The following ADAM7 variants were observed in gnomAD, a reference collection of about 807,000 sequenced individuals.
The protein encoded by ADAM7 is ADAM metallopeptidase domain 7.
In ADAM7, 97 loss-of-function variants were observed where a neutral mutation model predicts 102.9. The ratio of observed to expected loss-of-function variants is 0.94; its 90% CI spans 0.80 to 1.12. The LOEUF is 1.12. Among genes scored for constraint, ADAM7 ranks in the 50% most tolerant of loss-of-function variants. The probability of loss-of-function intolerance (pLI) is 0.00; values close to 1 mark genes in which losing one functional copy is unlikely to be tolerated. For missense variants in ADAM7, 991 were observed against 908.7 expected, an observed-to-expected ratio of 1.09 and a Z score of -1.16; for synonymous variants, 334 against 304.4, an observed-to-expected ratio of 1.10 and a Z score of -1.01.
chr8:24,456,632 ATTTTTT>A (rs71212541), intron 3 of ADAM7, among the ~76,000 whole-genome samples: 1 of 136,980 alleles, frequency 7.3e-6, no homozygotes, highest in Non-Finnish European at 1.6e-5. Flanking sequence ...TGTCCTGGGA[ATTTTTT>A]TTTTTTTTTT....
At chr8:24,452,895 C>A (rs1239664013) in intron 3 of ADAM7, among the ~76,000 whole-genome samples, 1 of 149,222 alleles carries the variant, frequency 6.7e-6, no homozygotes, top group East Asian at 1.9e-4. Flanking sequence ...GATTTTATTT[C>A]TCCTTCACTT....
intron 18 of ADAM7, 103 bp from the exon 19 acceptor site, chr8:24,500,687 A>G: frequency 2.3e-6 from 2 of 853,310 alleles, no homozygotes; most frequent in East Asian, 5.2e-5. Context: ...TTGAAGTTCT[A>G]TAGAAAGGAA....
chr8:24,444,499 C>T (rs573993803), intron 2 of ADAM7, among the ~76,000 whole-genome samples: 1 of 151,880 alleles, frequency 6.6e-6, no homozygotes, highest in Middle Eastern at 3.4e-3. Context: ...GCCACGTGAT[C>T]AGGTTTAACA....
chr8:24,500,060 G>T, intron 17 of ADAM7, 118 bp from the exon 18 acceptor site: 3 of 716,778 alleles, frequency 4.2e-6, no homozygotes, highest in East Asian at 3.0e-5. Flanking sequence ...CGAATAAAAA[G>T]TTCGCGCTTG....
intron 9 of ADAM7, among the ~76,000 whole-genome samples, chr8:24,483,690 T>C (rs1286065586): frequency 6.6e-6 from 1 of 152,264 alleles, no homozygotes; most frequent in East Asian, 1.9e-4. Context: ...TATTCATGCA[T>C]TAGCATGCCC....
intron 2 of ADAM7, 71 bp downstream of exon 2, chr8:24,442,647 AC>A: frequency 8.2e-7 from 1 of 1,217,438 alleles, no homozygotes; most frequent in Non-Finnish European, 1.2e-6. Context: ...TCTAGCTCCA[AC>A]CAGAAGCAAA....
chr8:24,475,335 T>C (rs1290443299), intron 7 of ADAM7, among the ~76,000 whole-genome samples: 1 of 152,168 alleles, frequency 6.6e-6, no homozygotes, highest in African/African-American at 2.4e-5. Context: ...ATGGAAATCC[T>C]GTTGTGAAAC....
At chr8:24,505,684 T>C (rs1254528231) in intron 20 of ADAM7, among the ~76,000 whole-genome samples, 1 of 152,162 alleles carries the variant, frequency 6.6e-6, no homozygotes, top group Non-Finnish European at 1.5e-5. Context: ...TCACAGATCC[T>C]GCTTCCATTG....
intron 8 of ADAM7, among the ~76,000 whole-genome samples, chr8:24,481,621 T>G (rs1352251100): frequency 6.6e-6 from 1 of 152,216 alleles, no homozygotes; most frequent in Non-Finnish European, 1.5e-5. Flanking sequence ...TTCTGCCTGC[T>G]TAGAGCAACC....
intron 8 of ADAM7, among the ~76,000 whole-genome samples, chr8:24,476,788 G>A (rs1353603108): frequency 6.6e-6 from 1 of 152,098 alleles, no homozygotes; most frequent in Non-Finnish European, 1.5e-5. Context: ...ATCAATCACT[G>A]TAAACCAAAT....
intron 9 of ADAM7, among the ~76,000 whole-genome samples, chr8:24,483,385 C>T (rs1355988319): frequency 6.6e-6 from 1 of 152,152 alleles, no homozygotes; most frequent in Admixed American, 6.6e-5. Flanking sequence ...CTTAAAGCTA[C>T]TGTATTAAAA....
intron 16 of ADAM7, among the ~76,000 whole-genome samples, chr8:24,494,055 C>T (rs1820471864): frequency 6.6e-6 from 1 of 152,130 alleles, no homozygotes; most frequent in African/African-American, 2.4e-5. Flanking sequence ...TGATATTTTA[C>T]CCCTAAAATC....
rs1159087107 is a variant in ADAM7 at position 24,487,316 on chromosome 8, A to C, written c.1090A>C (p.Ser364Arg). Reference protein sequence around the residue: ...SGKCVMDSDGSIPALKFSKCS... With the variant: ...SGKCVMDSDGRIPALKFSKCS... ...AAAATGCGTGATGGACAGTGATGGA[A>C]GGTGAGATTCGAACAATGTACAGAA... Residue 364 changes from serine (S) to arginine (R), a missense_variant and splice_region_variant, in exon 11 of 22, where the codon AGC becomes CGC. Ser to Arg is a moderately radical substitution (Grantham distance 110). Transcript: ENST00000175238. 1 of 1,613,398 alleles carries C rather than the reference A, an allele frequency of 6.2e-7. No homozygotes were observed. Among genetic ancestry groups the C allele is most frequent in the East Asian group, 2.2e-5 (1 of 44,810 alleles).
At chr8:24,501,624 TAAGTAGCTGAATG>T in intron 20 of ADAM7, 48 bp downstream of exon 20, 1 of 1,116,714 alleles carries the variant, frequency 9.0e-7, no homozygotes, top group East Asian at 2.5e-5. Flanking sequence ...TTTTTTTTTT[TAAGTAGCTGAATG>T]TGTTTAAAGT....
chr8:24,485,390 A>C (rs370216086), intron 10 of ADAM7, 29 bp downstream of exon 10: 2 of 1,586,278 alleles, frequency 1.3e-6, no homozygotes, highest in Admixed American at 3.4e-5. Context: ...ATATTACTTA[A>C]TAATGTTTGA....
At chr8:24,468,989 A>G (rs1233538942) in intron 7 of ADAM7, among the ~76,000 whole-genome samples, 169 bp downstream of exon 7, 1 of 152,176 alleles carries the variant, frequency 6.6e-6, no homozygotes, top group African/African-American at 2.4e-5. Flanking sequence ...GTCCTTTGCC[A>G]CAATAGCAGA....
intron 11 of ADAM7, among the ~76,000 whole-genome samples, chr8:24,487,905 A>G (rs1483027922): frequency 6.6e-6 from 1 of 152,148 alleles, no homozygotes; most frequent in Non-Finnish European, 1.5e-5. Context: ...TACCAAGGCA[A>G]TTAGGGGACA....
chr8:24,442,929 T>C (rs987016464), intron 2 of ADAM7, among the ~76,000 whole-genome samples: 6 of 152,170 alleles, frequency 3.9e-5, no homozygotes, highest in Non-Finnish European at 7.3e-5. Context: ...TTTTTGTTTA[T>C]AGAGTCTGCA....
At chr8:24,481,681 C>T (rs1819956547) in intron 8 of ADAM7, among the ~76,000 whole-genome samples, 1 of 152,160 alleles carries the variant, frequency 6.6e-6, no homozygotes, top group Non-Finnish European at 1.5e-5. Context: ...AAAATTCAAA[C>T]ATAAAGATCA....
Sources: gnomAD v4.1 joint callset for allele counts (sites outside exome capture counted in the v4.1 genomes callset) on GRCh38, gnomAD v4.1.1 for gene constraint, MANE v1.5 for transcripts, NCBI Gene and HGNC (gene_info 2026-07-23, HGNC 2026-07-21) for gene names.